The following USP40 variants were observed in gnomAD, a reference collection of about 807,000 sequenced individuals.
The protein encoded by USP40 is ubiquitin specific peptidase 40, also known as ubiquitin carboxyl-terminal hydrolase 40.
A neutral mutation model predicts 166.2 loss-of-function variants in USP40; 143 were observed. The observed-to-expected ratio is 0.86, with a 90% CI of 0.75 to 0.99. USP40 has a LOEUF of 0.99. Among genes scored for constraint, USP40 ranks in the 50% least tolerant of loss-of-function variants. The pLI, the probability that USP40 is intolerant of heterozygous loss-of-function variation, is 0.00. For missense variants in USP40, 1,444 were observed against 1,479.7 expected (o/e 0.98, Z 0.40); for synonymous variants, 498 against 524.0 (o/e 0.95, Z 0.68).
At chr2:233,509,624 C>G (rs890615764) in intron 21 of USP40, among the ~76,000 whole-genome samples, 2 of 151,656 alleles carry the variant, frequency 1.3e-5, no homozygotes, top group African/African-American at 4.8e-5. Context: ...GTGGATCACT[C>G]GAGGTCAGGA....
At chr2:233,560,745 A>G (rs2071509197) in intron 3 of USP40, 1 of 393,342 alleles carries the variant, frequency 2.5e-6, no homozygotes, top group East Asian at 3.9e-5. Flanking sequence ...CAAAATAATT[A>G]ACTCATTACT....
chr2:233,557,332 A>G (rs2071184937), intron 4 of USP40, among the ~76,000 whole-genome samples: 2 of 152,262 alleles, frequency 1.3e-5, no homozygotes, highest in South Asian at 4.1e-4. Flanking sequence ...AGAGGGATAT[A>G]CCAGGCACAG....
intron 21 of USP40, among the ~76,000 whole-genome samples, chr2:233,507,561 C>T (rs781047531): frequency 3.3e-5 from 5 of 149,476 alleles, no homozygotes; most frequent in Non-Finnish European, 7.4e-5. Flanking sequence ...GTTAAGTGAA[C>T]GAAGCCAGGC....
intron 6 of USP40, among the ~76,000 whole-genome samples, chr2:233,551,870 TA>T (rs2070597406): frequency 4.6e-5 from 7 of 152,338 alleles, no homozygotes; most frequent in Admixed American, 4.6e-4. Flanking sequence ...CAGTTCTTTT[TA>T]ATCAGTGAAG....
chr2:233,527,424 G>A lies in USP40; in HGVS notation c.1708C>T (p.Arg570Trp), dbSNP rs1027543958. The A allele has an allele frequency of 1.6e-5, 25 of 1,612,500 alleles. No individual in the cohort carries two copies. The highest frequency in any genetic ancestry group is 2.2e-5 in the East Asian group (1 of 44,872). Residue 570 changes from arginine (R) to tryptophan (W), a missense_variant, in exon 13 of 32, where the codon CGG becomes TGG. Coordinates refer to ENST00000678225, the MANE Select transcript of USP40 (RefSeq NM_001365479.2). The part of the protein sequence containing the change: ...FDKRKTLGDL[R>W]QSIFQLLEFW... The stretch of plus-strand genomic sequence containing the variant: ...GATATTACCTGAAATATTGACTGCC[G>A]GAGATCTCCTAAAGTTTTTCTTTTA...
intron 11 of USP40, among the ~76,000 whole-genome samples, chr2:233,531,043 T>C (rs934708597): frequency 6.6e-6 from 1 of 152,186 alleles, no homozygotes; most frequent in Non-Finnish European, 1.5e-5. Context: ...TTTAAGTGAT[T>C]TGTATAACAA....
At chr2:233,529,738 AT>A in intron 11 of USP40, among the ~76,000 whole-genome samples, 1 of 151,240 alleles carries the variant, frequency 6.6e-6, no homozygotes, top group Non-Finnish European at 1.5e-5. Flanking sequence ...GAAGAATTCC[AT>A]TTTTTCAACT....
intron 20 of USP40, among the ~76,000 whole-genome samples, chr2:233,510,590 G>C (rs2066753995): frequency 6.6e-6 from 1 of 151,586 alleles, no homozygotes; most frequent in Non-Finnish European, 1.5e-5. Flanking sequence ...TTTTAGTAGA[G>C]GCAGGGTTTC....
intron 12 of USP40, among the ~76,000 whole-genome samples, chr2:233,529,079 G>T (rs2068284543): frequency 6.6e-6 from 1 of 152,192 alleles, no homozygotes; most frequent in East Asian, 1.9e-4. Context: ...CCTATGAGGG[G>T]TGATTTTCAT....
intron 11 of USP40, among the ~76,000 whole-genome samples, chr2:233,529,846 C>T (rs1347708527): frequency 4.7e-5 from 6 of 128,732 alleles, no homozygotes; most frequent in Admixed American, 9.5e-5. Context: ...CTCACTTTGT[C>T]GCCCAGGCTG....
At chr2:233,543,735 T>C (rs938628978) in intron 8 of USP40, among the ~76,000 whole-genome samples, 8 of 152,200 alleles carry the variant, frequency 5.3e-5, no homozygotes, top group African/African-American at 1.9e-4. Context: ...CTTCCCAGCC[T>C]CCAGAACTGT....
chr2:233,493,309 G>C lies in USP40; in HGVS notation c.2917+116C>G, dbSNP rs2065466772. On this transcript the variant is annotated intron_variant, in intron 25 of 31. Transcript: ENST00000678225. This position sits in a 1 kb window ranked among gnomAD's most constrained non-coding sequence, Gnocchi z 4.7. ...ATGACTTATGAAATTAATAGGTCTT[G>C]ATTTTCAAGATCTTACGTTTTAAAA... 7.0e-7 allele frequency: 1 copy of C among 1,419,472 alleles called. No individual in the cohort carries two copies. 87.9% of individuals were successfully genotyped at this position (1,419,472 alleles called of 1,614,324 possible). A position where few individuals can be genotyped will look rare whatever the true frequency, so the allele number is the denominator to read the frequency against.
Position 233,493,449 on chromosome 2 carries a change from C to T in USP40, c.2893G>A (p.Val965Ile), listed in dbSNP as rs2065477734. ...QTNCTSSWGR[V>I]WRATSSQGAS... ...CCTTGGCTGGAAGTGGCTCTCCAAA[C>T]TCTGCCCCAAGACGAAGTACAGTTG... The change falls in exon 25 of 32, where the codon GTT (valine) becomes ATT (isoleucine). Residue 965 changes from valine to isoleucine, a missense_variant. Coordinates refer to ENST00000678225, the MANE Select transcript of USP40 (RefSeq NM_001365479.2). The surrounding 1 kb of genome is among the most constrained non-coding windows in gnomAD (Gnocchi z 4.7). The T allele has an allele frequency of 6.2e-7, 1 of 1,613,872 alleles. No homozygotes were observed. Among genetic ancestry groups the T allele is most frequent in the African/African-American group, 1.3e-5 (1 of 74,928 alleles).
At chr2:233,508,742 T>G (rs1480210344) in intron 21 of USP40, among the ~76,000 whole-genome samples, 1 of 152,184 alleles carries the variant, frequency 6.6e-6, no homozygotes, top group Non-Finnish European at 1.5e-5. Context: ...GGGATATAGT[T>G]TGCAAGGGAA....
At chr2:233,528,643 G>A (rs991434610) in intron 12 of USP40, among the ~76,000 whole-genome samples, 8 of 151,804 alleles carry the variant, frequency 5.3e-5, no homozygotes, top group South Asian at 4.2e-4. Flanking sequence ...AAGATATTTC[G>A]CTCTGTTAAG....
chr2:233,519,798 C>A, intron 17 of USP40, 127 bp from the exon 18 acceptor site: 2 of 535,820 alleles, frequency 3.7e-6, no homozygotes, highest in Non-Finnish European at 6.3e-6. Flanking sequence ...TAGTTTTTGC[C>A]CACTGGAAAT....
rs1402903782 is a variant in USP40, at chr2:233,477,593, T to G, written c.3600-90A>C. The G allele has an allele frequency of 8.3e-6, 9 of 1,090,294 alleles. No homozygotes were observed. The Admixed American group carries it at 1.6e-4, about 19-fold the overall frequency. The allele number at this position is 1,090,294 out of a possible 1,614,324, so 67.5% of individuals were successfully genotyped here. Reference sequence around the variant, plus strand: ...GAAGACCCCAAAATACACTCCAATTTTATAGGCCACAAGGACGTGCATTTG... The same window carrying G: ...GAAGACCCCAAAATACACTCCAATTGTATAGGCCACAAGGACGTGCATTTG... On this transcript the variant is annotated intron_variant, in intron 31 of 31. Coordinates refer to ENST00000678225, the MANE Select transcript of USP40 (RefSeq NM_001365479.2).
chr2:233,484,023 T>G (rs1441719772), intron 30 of USP40, among the ~76,000 whole-genome samples: 1 of 152,162 alleles, frequency 6.6e-6, no homozygotes, highest in Non-Finnish European at 1.5e-5. Context: ...TACCCGTGCC[T>G]CCATGCTGCA....
In USP40 at chr2:233,476,420, A is replaced by G. The variant is rs2064185177; in HGVS notation, c.*972T>C. 1 of 152,394 alleles carries G rather than the reference A, an allele frequency of 6.6e-6. No homozygotes were observed. Among genetic ancestry groups the G allele is most frequent in the South Asian group, 2.1e-4 (1 of 4,834 alleles). 9.4% of individuals were successfully genotyped at this position (152,394 alleles called of 1,614,324 possible). A position where few individuals can be genotyped will look rare whatever the true frequency, so the allele number is the denominator to read the frequency against. On this transcript the variant is annotated 3_prime_UTR_variant, in exon 32 of 32. Coordinates refer to ENST00000678225, the MANE Select transcript of USP40 (RefSeq NM_001365479.2). ...GTACTATTATTTCTCACAAATGCCA[A>G]TTAAATCCTTTAAGTTGAATAGAAA...
Sources: allele counts gnomAD v4.1 joint callset (sites outside exome capture counted in the v4.1 genomes callset), GRCh38; gene constraint gnomAD v4.1.1; non-coding constraint Gnocchi (gnomAD v3.1); transcripts MANE v1.5; gene names NCBI Gene and HGNC (gene_info 2026-07-23, HGNC 2026-07-21).